Variants in ANGPT1 observed in about 807,000 individuals in gnomAD.
ANGPT1 encodes angiopoietin-1.
Under a neutral mutation model 62.2 loss-of-function variants are expected in ANGPT1, and 17 were observed. The ratio of observed to expected loss-of-function variants is 0.27; its 90% CI spans 0.19 to 0.41. The LOEUF is 0.41. Among genes scored for constraint, ANGPT1 ranks in the 10% least tolerant of loss-of-function variants. The probability of loss-of-function intolerance (pLI) is 1.00; values close to 1 mark genes in which losing one functional copy is unlikely to be tolerated. For synonymous variants in ANGPT1, 199 were observed against 198.9 expected (o/e 1.00, Z 0.00); for missense variants, 478 against 594.9 (o/e 0.80, Z 2.04).
chr8:107,381,877 G>C (rs1316412803), intron 1 of ANGPT1, among the ~76,000 whole-genome samples: 2 of 152,202 alleles, frequency 1.3e-5, no homozygotes, highest in Admixed American at 1.3e-4. Flanking sequence ...AGTAAATGCT[G>C]CTTCTTTGCC....
At chr8:107,261,491 G>T (rs1012167914) in intron 8 of ANGPT1, among the ~76,000 whole-genome samples, 6 of 151,590 alleles carry the variant, frequency 4.0e-5, no homozygotes, top group Non-Finnish European at 1.5e-5. Context: ...GGATCATGAG[G>T]TCAGGAGATT....
Position 107,365,403 on chromosome 8 carries a change from T to C in ANGPT1, c.298-18306A>G, listed in dbSNP as rs547939238. Among the ~76,000 whole-genome samples, 8 of 152,334 alleles carry C rather than the reference T, an allele frequency of 5.3e-5. No homozygotes were observed. The East Asian group carries it at 1.5e-3, about 29-fold the overall frequency. ...CTCAGGGGCTTAGCACTTCTTTATT[T>C]AATCTTATAACTAAAAACGTCCTTG... On this transcript the variant is annotated intron_variant, in intron 1 of 8. Transcript: ENST00000517746.
At chr8:107,478,057 TCTC>T (rs1812578820) in intron 1 of ANGPT1, among the ~76,000 whole-genome samples, 1 of 133,912 alleles carries the variant, frequency 7.5e-6, no homozygotes, top group African/African-American at 3.0e-5. Context: ...CCAAAATATT[TCTC>T]CTGTTTTTTT....
intron 1 of ANGPT1, among the ~76,000 whole-genome samples, chr8:107,434,439 C>T (rs1483380528): frequency 2.0e-5 from 3 of 151,936 alleles, no homozygotes; most frequent in South Asian, 2.1e-4. Context: ...GCAGAACTGT[C>T]GGGGATAATG....
At chr8:107,330,253 G>C (rs73701095) in intron 3 of ANGPT1, among the ~76,000 whole-genome samples, 6,905 of 152,090 alleles carry the variant, frequency 0.045, 505 homozygotes, top group African/African-American at 0.16. Flanking sequence ...TACAATTATT[G>C]TCATTGTTAT....
chr8:107,361,213 A>G (rs893625603), intron 1 of ANGPT1, among the ~76,000 whole-genome samples: 9 of 152,090 alleles, frequency 5.9e-5, no homozygotes, highest in African/African-American at 1.7e-4. Context: ...GATTTTTTTT[A>G]AAGTTTACTA....
chr8:107,339,189 C>T (rs1201949007), intron 2 of ANGPT1, among the ~76,000 whole-genome samples: 1 of 152,138 alleles, frequency 6.6e-6, no homozygotes. Context: ...CTTGCCCTAC[C>T]TCAAGTCTAT....
At chr8:107,292,331 G>GA (rs749633936) in intron 6 of ANGPT1, among the ~76,000 whole-genome samples, 6 of 152,114 alleles carry the variant, frequency 3.9e-5, no homozygotes, top group Non-Finnish European at 8.8e-5. Context: ...CTATGTTTTT[G>GA]ATGTAACCAG....
intron 1 of ANGPT1, among the ~76,000 whole-genome samples, chr8:107,451,509 A>C (rs137976066): frequency 1.4e-3 from 212 of 152,102 alleles, no homozygotes; most frequent in Admixed American, 3.7e-3. Context: ...AGTGTTGTAA[A>C]TGCTTTAGTA....
At chr8:107,319,843 C>T (rs1055415199) in intron 4 of ANGPT1, among the ~76,000 whole-genome samples, 54 of 151,842 alleles carry the variant, frequency 3.6e-4, no homozygotes, top group Middle Eastern at 6.8e-3. Context: ...TTAGTTAGAA[C>T]GCTTAACAGT....
chr8:107,433,929 CCTA>C (rs1309535161), intron 1 of ANGPT1, among the ~76,000 whole-genome samples: 1 of 152,124 alleles, frequency 6.6e-6, no homozygotes, highest in Admixed American at 6.5e-5. Flanking sequence ...TCATCAAGCT[CCTA>C]CTATTCCAAA....
intron 1 of ANGPT1, among the ~76,000 whole-genome samples, chr8:107,399,699 C>T (rs1396000540): frequency 1.4e-4 from 21 of 152,198 alleles, no homozygotes; most frequent in Admixed American, 1.4e-3. Context: ...GCCTCAAACC[C>T]TTTCCACTCC....
chr8:107,469,173 C>T (rs1484274271), intron 1 of ANGPT1, among the ~76,000 whole-genome samples: 1 of 151,982 alleles, frequency 6.6e-6, no homozygotes, highest in Non-Finnish European at 1.5e-5. Context: ...GGACCAGTCT[C>T]TAGTATCTAG....
At chr8:107,429,761 G>A (rs1175030464) in intron 1 of ANGPT1, among the ~76,000 whole-genome samples, 3 of 151,836 alleles carry the variant, frequency 2.0e-5, no homozygotes, top group Non-Finnish European at 4.4e-5. Context: ...TCAAAGGATC[G>A]TCACTGTTTT....
chr8:107,290,629 T>C (rs929809357), intron 6 of ANGPT1, among the ~76,000 whole-genome samples: 5 of 152,204 alleles, frequency 3.3e-5, no homozygotes, highest in African/African-American at 1.2e-4. Context: ...ATGAATATTT[T>C]CAATTAAAAA....
Position 107,376,198 on chromosome 8 carries a change from G to A in ANGPT1, c.298-29101C>T, listed in dbSNP as rs76895782. ...TCCATGCCTAACATTCTGTGCCTATGTTTCCACATGTAATCAAGTTGAGAA... is the reference window on the plus strand; with the variant it reads ...TCCATGCCTAACATTCTGTGCCTATATTTCCACATGTAATCAAGTTGAGAA... On this transcript the variant is annotated intron_variant, in intron 1 of 8. Coordinates refer to ENST00000517746, the MANE Select transcript of ANGPT1 (RefSeq NM_001146.5). 7.9e-4 allele frequency among the ~76,000 whole-genome samples: 120 copies of A among 152,254 alleles called. No homozygotes were observed. In the East Asian group the frequency reaches 0.019, roughly 24 times the overall value.
intron 1 of ANGPT1, among the ~76,000 whole-genome samples, chr8:107,466,250 T>C (rs16876337): frequency 0.05 from 7,625 of 152,206 alleles, 221 homozygotes; most frequent in South Asian, 0.11. Flanking sequence ...TATCCTATTG[T>C]CTTGGTGAAA....
rs899896390 is a variant in ANGPT1, at chr8:107,447,879, C to T, written c.297+49383G>A. Among the ~76,000 whole-genome samples the T allele has an allele frequency of 5.3e-5, 8 of 152,284 alleles. No individual in the cohort carries two copies. The East Asian group carries it at 9.6e-4, about 18-fold the overall frequency. ...GACTACCTGTGTCTGAGTAAGTTTACGCAAAGGATTTGAGCAAGGGATTTT... is the reference window on the plus strand; with the variant it reads ...GACTACCTGTGTCTGAGTAAGTTTATGCAAAGGATTTGAGCAAGGGATTTT... On this transcript the variant is annotated intron_variant, in intron 1 of 8. Coordinates refer to ENST00000517746, the MANE Select transcript of ANGPT1 (RefSeq NM_001146.5).
chr8:107,463,521 C>T (rs1812124015), intron 1 of ANGPT1, among the ~76,000 whole-genome samples: 1 of 152,090 alleles, frequency 6.6e-6, no homozygotes, highest in South Asian at 2.1e-4. Context: ...CTAGGATCAA[C>T]AAGCATTCTA....
Sources: allele counts gnomAD v4.1 joint callset (sites outside exome capture counted in the v4.1 genomes callset), GRCh38; gene constraint gnomAD v4.1.1; transcripts MANE v1.5; gene names NCBI Gene and HGNC (gene_info 2026-07-23, HGNC 2026-07-21).